The following GFRAL variants were observed in gnomAD, a reference collection of about 807,000 sequenced individuals.
GFRAL encodes GDNF family receptor alpha like, also known as GDNF family receptor alpha-like.
GFRAL carries 36 observed loss-of-function variants against 45.4 expected under a neutral mutation model. The ratio of observed to expected loss-of-function variants is 0.79; its 90% CI spans 0.61 to 1.05. The LOEUF is 1.05. GFRAL is among the 50% of genes least tolerant of loss of function. The pLI is 0.00. For missense variants in GFRAL, 507 were observed against 467.5 expected, an observed-to-expected ratio of 1.08 and a Z score of -0.78; for synonymous variants, 166 against 154.1, an observed-to-expected ratio of 1.08 and a Z score of -0.57.
At chr6:55,327,719 A>T in intron 1 of GFRAL, 143 bp downstream of exon 1, 1 of 718,930 alleles carries the variant, frequency 1.4e-6, no homozygotes, top group East Asian at 2.7e-5. Context: ...AACATGGTTT[A>T]TTCTTCTTGC....
intron 5 of GFRAL, among the ~76,000 whole-genome samples, chr6:55,352,206 G>T (rs1359308115): frequency 1.3e-5 from 2 of 151,816 alleles, no homozygotes; most frequent in African/African-American, 4.8e-5. Flanking sequence ...CAGAGCCATG[G>T]GTACACAGGC....
intron 1 of GFRAL, among the ~76,000 whole-genome samples, chr6:55,328,649 A>C (rs1403657782): frequency 6.6e-6 from 1 of 151,864 alleles, no homozygotes; most frequent in African/African-American, 2.4e-5. Flanking sequence ...AAATATAGGA[A>C]ACTTTAATTT....
intron 8 of GFRAL, among the ~76,000 whole-genome samples, chr6:55,400,431 C>T (rs1288052700): frequency 2.0e-5 from 3 of 152,098 alleles, no homozygotes; most frequent in Non-Finnish European, 2.9e-5. Flanking sequence ...ATATCTTGCT[C>T]CTCCAGAGAT....
chr6:55,392,386 G>A (rs1194640084), intron 6 of GFRAL, among the ~76,000 whole-genome samples: 1 of 152,104 alleles, frequency 6.6e-6, no homozygotes. Context: ...ACCTTTACTT[G>A]GGTCCAAATA....
chr6:55,352,446 G>A (rs1257244262), intron 5 of GFRAL, among the ~76,000 whole-genome samples: 2 of 152,020 alleles, frequency 1.3e-5, no homozygotes. Context: ...GATGTGGGGA[G>A]AATTGTTGGC....
chr6:55,383,017 T>C (rs1768632566), intron 6 of GFRAL, among the ~76,000 whole-genome samples: 1 of 151,962 alleles, frequency 6.6e-6, no homozygotes, highest in Admixed American at 6.6e-5. Flanking sequence ...CTAAGGCATA[T>C]TTTCTTAGAA....
chr6:55,380,056 G>A (rs1768587952), intron 6 of GFRAL, among the ~76,000 whole-genome samples: 1 of 151,826 alleles, frequency 6.6e-6, no homozygotes, highest in Non-Finnish European at 1.5e-5. Flanking sequence ...TCCATATCTT[G>A]GCTGTTGTGA....
chr6:55,330,666 C>A (rs970101360), intron 1 of GFRAL, among the ~76,000 whole-genome samples: 14 of 152,020 alleles, frequency 9.2e-5, no homozygotes, highest in African/African-American at 2.7e-4. Flanking sequence ...ATGCTTGAGA[C>A]CTTCCAGATT....
At chr6:55,351,111 C>G (rs1269095995) in intron 4 of GFRAL, 142 bp from the exon 5 acceptor site, 8 of 636,668 alleles carry the variant, frequency 1.3e-5, no homozygotes, top group Non-Finnish European at 2.2e-5. Flanking sequence ...CATACTTACT[C>G]TAAAAGATGT....
intron 4 of GFRAL, among the ~76,000 whole-genome samples, chr6:55,350,801 G>A (rs1393987512): frequency 6.6e-6 from 1 of 152,110 alleles, no homozygotes; most frequent in East Asian, 1.9e-4. Flanking sequence ...ATCTGTAGGA[G>A]TATAAACATT....
Position 55,327,519 on chromosome 6 carries a change from C to CT in GFRAL, c.-29dup, listed in dbSNP as rs1767781052. The CT allele has an allele frequency of 1.9e-6, 3 of 1,610,830 alleles. No individual in the cohort carries two copies. The highest frequency in any genetic ancestry group is 1.7e-5 in the Admixed American group (1 of 59,698). On this transcript the variant is annotated 5_prime_UTR_variant, in exon 1 of 9. Transcript: ENST00000340465. ...AAGTTGTCAGAAGAAACGCATCTGC[C>CT]TTTTTTTCCAGGTGAACTGCCGTGA...
chr6:55,378,267 T>C (rs1195911031), intron 6 of GFRAL, among the ~76,000 whole-genome samples: 1 of 152,014 alleles, frequency 6.6e-6, no homozygotes, highest in Non-Finnish European at 1.5e-5. Context: ...ATTTTGATGG[T>C]GGGGAAGGAA....
intron 4 of GFRAL, among the ~76,000 whole-genome samples, chr6:55,350,628 G>T (rs188972928): frequency 2.0e-5 from 3 of 152,230 alleles, no homozygotes; most frequent in African/African-American, 7.2e-5. Flanking sequence ...TTGAGCCCAG[G>T]AGTTGGAGGT....
At chr6:55,365,146 G>A (rs1209390572) in intron 6 of GFRAL, among the ~76,000 whole-genome samples, 1 of 151,050 alleles carries the variant, frequency 6.6e-6, no homozygotes, top group Non-Finnish European at 1.5e-5. Flanking sequence ...CCTTGAAGAG[G>A]TCCTTCACAT....
intron 3 of GFRAL, among the ~76,000 whole-genome samples, chr6:55,347,334 C>T (rs1343386363): frequency 1.3e-5 from 2 of 151,960 alleles, no homozygotes; most frequent in African/African-American, 2.4e-5. Flanking sequence ...GTCTAGAAGT[C>T]GATCATTGGT....
chr6:55,378,788 G>C (rs896811038), intron 6 of GFRAL, among the ~76,000 whole-genome samples: 3 of 151,932 alleles, frequency 2.0e-5, no homozygotes, highest in African/African-American at 7.3e-5. Flanking sequence ...ACAGTCAAGA[G>C]TACTGCTCAT....
intron 2 of GFRAL, among the ~76,000 whole-genome samples, chr6:55,333,195 A>G (rs78368092): frequency 0.015 from 2,342 of 152,230 alleles, 56 homozygotes; most frequent in African/African-American, 0.051. Flanking sequence ...TACAAATGAA[A>G]TAAACTAAGG....
intron 6 of GFRAL, among the ~76,000 whole-genome samples, chr6:55,377,734 C>G (rs1410163344): frequency 1.3e-5 from 2 of 152,020 alleles, no homozygotes; most frequent in East Asian, 3.9e-4. Context: ...AAAACTAGTC[C>G]TATTTAATTA....
At chr6:55,358,499 T>C (rs2127357110) in intron 5 of GFRAL, among the ~76,000 whole-genome samples, 1 of 152,084 alleles carries the variant, frequency 6.6e-6, no homozygotes, top group South Asian at 2.1e-4. Flanking sequence ...AATACCTTAC[T>C]TGAAATCACT....
Sources: allele counts gnomAD v4.1 joint callset (sites outside exome capture counted in the v4.1 genomes callset), GRCh38; gene constraint gnomAD v4.1.1; transcripts MANE v1.5; gene names NCBI Gene and HGNC (gene_info 2026-07-23, HGNC 2026-07-21).